TMEM132D: variants seen among roughly 807,000 people sequenced by gnomAD.
The protein encoded by TMEM132D is transmembrane protein 132D.
A neutral mutation model predicts 62.3 loss-of-function variants in TMEM132D; 21 were observed. The ratio of observed to expected loss-of-function variants is 0.34; its 90% CI spans 0.24 to 0.49. TMEM132D has a LOEUF of 0.49. Among genes scored for constraint, TMEM132D ranks in the 20% least tolerant of loss-of-function variants. The pLI, the probability that TMEM132D is intolerant of heterozygous loss-of-function variation, is 0.99. For synonymous variants in TMEM132D, 621 were observed against 575.6 expected (o/e 1.08, Z -1.13); for missense variants, 1,346 against 1,402.8 (o/e 0.96, Z 0.65).
intron 5 of TMEM132D, among the ~76,000 whole-genome samples, chr12:129,087,771 G>T (rs1322765602): frequency 6.6e-6 from 1 of 152,244 alleles, no homozygotes; most frequent in Non-Finnish European, 1.5e-5. Flanking sequence ...TCACAAAGCT[G>T]CTGGGTTTGT....
intron 2 of TMEM132D, among the ~76,000 whole-genome samples, chr12:129,608,871 AC>A (rs1295921281): frequency 6.6e-6 from 1 of 151,950 alleles, no homozygotes; most frequent in Non-Finnish European, 1.5e-5. Flanking sequence ...TTGTTCAAAT[AC>A]AGATTCCTAG....
chr12:129,583,974 C>T (rs1877948717), intron 2 of TMEM132D, among the ~76,000 whole-genome samples: 1 of 152,138 alleles, frequency 6.6e-6, no homozygotes, highest in South Asian at 2.1e-4. Context: ...TTTCTGAAAC[C>T]TGTGAGCCTT....
intron 4 of TMEM132D, among the ~76,000 whole-genome samples, chr12:129,219,710 C>T (rs1879302433): frequency 6.6e-6 from 1 of 152,248 alleles, no homozygotes; most frequent in African/African-American, 2.4e-5. Context: ...CTTCTTCACT[C>T]ATGTGCTTAT....
At chr12:129,213,814 A>G (rs1216712362) in intron 4 of TMEM132D, among the ~76,000 whole-genome samples, 3 of 152,140 alleles carry the variant, frequency 2.0e-5, no homozygotes, top group African/African-American at 7.2e-5. Flanking sequence ...AATACCTCCC[A>G]TGGCCCTACC....
intron 3 of TMEM132D, among the ~76,000 whole-genome samples, chr12:129,437,550 T>C (rs1290077937): frequency 6.6e-6 from 1 of 152,162 alleles, no homozygotes; most frequent in Non-Finnish European, 1.5e-5. Context: ...CCTTCTGACA[T>C]GATGAAATGT....
chr12:129,878,881 C>T (rs1313706841), intron 1 of TMEM132D, among the ~76,000 whole-genome samples: 1 of 152,098 alleles, frequency 6.6e-6, no homozygotes, highest in Non-Finnish European at 1.5e-5. Flanking sequence ...CAGATTGCTT[C>T]TTGGAAGCAC....
chr12:129,715,979 G>A (rs1192732334), intron 1 of TMEM132D, among the ~76,000 whole-genome samples: 5 of 152,152 alleles, frequency 3.3e-5, no homozygotes, highest in Non-Finnish European at 7.4e-5. Context: ...CGAGGCTAGC[G>A]ACTGCAGGAG....
chr12:129,120,407 A>G (rs1470296554), intron 5 of TMEM132D, among the ~76,000 whole-genome samples: 4 of 152,214 alleles, frequency 2.6e-5, no homozygotes, highest in African/African-American at 9.6e-5. Flanking sequence ...AACATCACAC[A>G]GGGATGTTCT....
intron 4 of TMEM132D, among the ~76,000 whole-genome samples, chr12:129,257,422 G>A (rs1277260518): frequency 6.6e-6 from 1 of 151,798 alleles, no homozygotes; most frequent in Non-Finnish European, 1.5e-5. Flanking sequence ...TGTTAGCCAG[G>A]ATGGTCTCAA....
At chr12:129,716,706 T>C (rs1039958920) in intron 1 of TMEM132D, among the ~76,000 whole-genome samples, 2 of 152,112 alleles carry the variant, frequency 1.3e-5, no homozygotes, top group Non-Finnish European at 2.9e-5. Flanking sequence ...TATCCTGGAT[T>C]ATCTAGGTGG....
chr12:129,565,475 T>C (rs1200376405), intron 2 of TMEM132D, among the ~76,000 whole-genome samples: 2 of 152,216 alleles, frequency 1.3e-5, no homozygotes, highest in African/African-American at 4.8e-5. Context: ...CAGGTGTGCC[T>C]GAATTCCAAA....
At chr12:129,451,124 G>A (rs373576474) in intron 3 of TMEM132D, among the ~76,000 whole-genome samples, 5 of 151,986 alleles carry the variant, frequency 3.3e-5, no homozygotes, top group African/African-American at 1.2e-4. Flanking sequence ...CTTCCTTCCT[G>A]ATGCACTGAA....
intron 3 of TMEM132D, among the ~76,000 whole-genome samples, chr12:129,413,780 C>T (rs1429411521): frequency 2.0e-5 from 3 of 152,102 alleles, no homozygotes; most frequent in South Asian, 2.1e-4. Context: ...ACAATCAAAC[C>T]ATATGGTAAA....
intron 1 of TMEM132D, among the ~76,000 whole-genome samples, chr12:129,724,711 C>T (rs569160468): frequency 1.7e-3 from 255 of 151,774 alleles, no homozygotes; most frequent in African/African-American, 5.8e-3. Context: ...TTAGTAGAGA[C>T]GGGGTTTTGC....
intron 2 of TMEM132D, among the ~76,000 whole-genome samples, chr12:129,568,634 G>A (rs1381254875): frequency 6.6e-6 from 1 of 152,166 alleles, no homozygotes; most frequent in East Asian, 1.9e-4. Context: ...CTGAAACAAA[G>A]TGTTTAAAGT....
chr12:129,086,088 A>C (rs1241301067), intron 5 of TMEM132D: 2 of 152,238 alleles, frequency 1.3e-5, no homozygotes, highest in African/African-American at 4.8e-5. Context: ...GGCAGGTACA[A>C]CTGCATCACT....
chr12:129,412,932 A>G (rs1427642378), intron 3 of TMEM132D, among the ~76,000 whole-genome samples: 1 of 152,210 alleles, frequency 6.6e-6, no homozygotes, highest in African/African-American at 2.4e-5. Context: ...CCAACCTCCA[A>G]TGACATTGAG....
intron 1 of TMEM132D, among the ~76,000 whole-genome samples, chr12:129,711,168 TG>T (rs1160301053): frequency 6.6e-6 from 1 of 152,194 alleles, no homozygotes; most frequent in African/African-American, 2.4e-5. Flanking sequence ...ACACTTGCAT[TG>T]GTCCCCCTAA....
intron 3 of TMEM132D, among the ~76,000 whole-genome samples, chr12:129,456,905 T>G (rs1593017413): frequency 6.6e-6 from 1 of 152,188 alleles, no homozygotes. Context: ...TATAAAGAAC[T>G]ACCTGAGACT....
Sources: gnomAD v4.1 joint callset for allele counts (sites outside exome capture counted in the v4.1 genomes callset) on GRCh38, gnomAD v4.1.1 for gene constraint, MANE v1.5 for transcripts, NCBI Gene and HGNC (gene_info 2026-07-23, HGNC 2026-07-21) for gene names.